Variants in TFRC observed in about 807,000 individuals in gnomAD.
The protein encoded by TFRC is transferrin receptor, also known as transferrin receptor protein 1.
TFRC carries 35 observed loss-of-function variants against 85.8 expected under a neutral mutation model. The ratio of observed to expected loss-of-function variants is 0.41; its 90% CI spans 0.31 to 0.54. TFRC has a LOEUF of 0.54. Ranked by LOEUF, TFRC falls within the 20% of genes least tolerant of loss-of-function variation. TFRC has a pLI of 0.31. For missense variants in TFRC, 828 were observed against 921.5 expected (o/e 0.90, Z 1.31); for synonymous variants, 362 against 328.6 (o/e 1.10, Z -1.10).
rs554279623 is a variant in TFRC, at chr3:196,071,517, T to C, written c.585-19A>G. The C allele has an allele frequency of 1.9e-6, 3 of 1,609,878 alleles. No homozygotes were observed. The African/African-American group carries it at 4.0e-5, about 22-fold the overall frequency. On this transcript the variant is annotated intron_variant, in intron 5 of 18. Coordinates refer to ENST00000360110, the MANE Select transcript of TFRC (RefSeq NM_001128148.3). ...TTGAGCGCTGTTAAAAAGATTAAGTTAAAATAAGCCTAAGGTCATCCTTCC... is the reference window on the plus strand; with the variant it reads ...TTGAGCGCTGTTAAAAAGATTAAGTCAAAATAAGCCTAAGGTCATCCTTCC...
intron 13 of TFRC, among the ~76,000 whole-genome samples, chr3:196,060,825 A>AAAAAAAAAAAAAT (rs1310502711): frequency 7.1e-6 from 1 of 141,152 alleles, no homozygotes; most frequent in Non-Finnish European, 1.6e-5. Context: ...AAAAAAAAAA[A>AAAAAAAAAAAAAT]ATCAGACCAG....
chr3:196,058,157 A>G, intron 16 of TFRC, 127 bp downstream of exon 16: 1 of 648,358 alleles, frequency 1.5e-6, no homozygotes, highest in South Asian at 2.7e-5. Flanking sequence ...GTTTTCCTTT[A>G]CTCCTCTGAA....
At position 196,065,430 on chromosome 3, in the gene TFRC, G is replaced by GT. The variant is rs1560078186; in HGVS notation, c.1198+12_1198+13insA. ...AAAAAAGCGGGGCGGGGGGGGGGGG[G>GT]GGCGGTCTTTACCTGGTTCTACAAA... On this transcript the variant is annotated intron_variant, in intron 10 of 18. Transcript: ENST00000360110. The GT allele has an allele frequency of 1.8e-6, 1 of 549,188 alleles. No homozygotes were observed. Among genetic ancestry groups the GT allele is most frequent in the Non-Finnish European group, 2.5e-6 (1 of 392,642 alleles). The allele number at this position is 549,188 out of a possible 1,614,324, so 34.0% of individuals were successfully genotyped here.
Position 196,051,760 on chromosome 3 carries a change from T to C in TFRC, c.*182A>G, listed in dbSNP as rs1262101576. ...TTTTTAAGTGGTTATTCACTTTAAC[T>C]TGAAGTACAGGTTATCTACCCTGTA... On this transcript the variant is annotated 3_prime_UTR_variant, in exon 19 of 19. Coordinates refer to ENST00000360110, the MANE Select transcript of TFRC (RefSeq NM_001128148.3). The C allele has an allele frequency of 3.2e-6, 2 of 619,732 alleles. No individual in the cohort carries two copies. Among genetic ancestry groups the C allele is most frequent in the East Asian group, 5.7e-5 (2 of 35,138 alleles). 38.4% of individuals were successfully genotyped at this position (619,732 alleles called of 1,614,324 possible).
Position 196,052,125 on chromosome 3 carries a change from G to T in TFRC, c.2100C>A (p.Val700=). ...VSPKESPFRH[V]FWGSGSHTLP... The stretch of plus-strand genomic sequence containing the variant: ...GCGTGTGAGAGCCGGAGCCCCAGAA[G>T]ACATGTCGGAAAGGAGACTCTTTTG... Residue 700 remains valine, a synonymous_variant, in exon 19 of 19, where the codon GTC becomes GTA. Transcript: ENST00000360110. 1 of 1,614,088 alleles carries T rather than the reference G, an allele frequency of 6.2e-7. No homozygotes were observed. Among genetic ancestry groups the T allele is most frequent in the African/African-American group, 1.3e-5 (1 of 75,014 alleles).
At position 196,065,583 on chromosome 3, in the gene TFRC, C is replaced by G; in HGVS notation, c.1058G>C (p.Cys353Ser). Residue 353 changes from cysteine (C) to serine (S), a missense_variant, in exon 10 of 19, where the codon TGT becomes TCT. Cys to Ser is a moderately radical substitution (Grantham distance 112). Coordinates refer to ENST00000360110, the MANE Select transcript of TFRC (RefSeq NM_001128148.3). ...AGAGTCTGTTTTCCAGTCAGAGGGA[C>G]AGTCTCCTTCCATATTCCTAGAATC... The part of the protein sequence containing the change: ...EKLFGNMEGD[C>S]PSDWKTDSTC... 6.2e-7 allele frequency: 1 copy of G among 1,602,192 alleles called. No individual in the cohort carries two copies. The highest frequency in any genetic ancestry group is 8.5e-7 in the Non-Finnish European group (1 of 1,177,132).
intron 14 of TFRC, among the ~76,000 whole-genome samples, chr3:196,059,854 C>T (rs948183071): frequency 1.9e-4 from 28 of 148,722 alleles, no homozygotes; most frequent in South Asian, 2.1e-4. Flanking sequence ...ATATTTCCTC[C>T]GGCCTTCTCA....
rs200128950 is a variant in TFRC at position 196,067,584 on chromosome 3, C to T, written c.974G>A (p.Arg325Gln). The T allele has an allele frequency of 3.7e-6, 6 of 1,614,076 alleles. No homozygotes were observed. Among genetic ancestry groups the T allele is most frequent in the Admixed American group, 1.7e-5 (1 of 60,008 alleles). ...AGGTATATTAGGCAATCCTGATGAC[C>T]GAGATGGTGGAAACTGAGTGTGATT... is the stretch of plus-strand genomic sequence containing the variant. ...SFNHTQFPPS[R>Q]SSGLPNIPVQ... The change falls in exon 9 of 19, where the codon CGG (arginine) becomes CAG (glutamine). Residue 325 changes from arginine to glutamine, a missense_variant. Transcript: ENST00000360110.
rs529214594 is a variant in TFRC at position 196,052,292 on chromosome 3, CTTT to C, written c.2041-111_2041-109del. ...CCCAAATTTAAGAATGCCGATCAGA[CTTT>C]TTTTTTTTTTTTTTTTTTTTGACAC... On this transcript the variant is annotated intron_variant, in intron 18 of 18. Transcript: ENST00000360110. The C allele has an allele frequency of 0.21, 109,757 of 530,704 alleles. 3,686 individuals carry two copies. Among genetic ancestry groups the C allele is most frequent in the Non-Finnish European group, 0.23 (77,251 of 340,774 alleles). The allele number at this position is 530,704 out of a possible 1,614,324, so 32.9% of individuals were successfully genotyped here.
intron 1 of TFRC, among the ~76,000 whole-genome samples, chr3:196,078,007 T>C (rs1233304740): frequency 6.6e-6 from 1 of 152,220 alleles, no homozygotes; most frequent in Non-Finnish European, 1.5e-5. Flanking sequence ...TGAAAATTGA[T>C]AATCTAAGCG....
At chr3:196,057,703 G>C (rs1173985216) in intron 16 of TFRC, among the ~76,000 whole-genome samples, 6 of 150,832 alleles carry the variant, frequency 4.0e-5, no homozygotes, top group African/African-American at 1.5e-4. Flanking sequence ...GCTGAAGGGG[G>C]AGGACTGCTT....
At chr3:196,060,797 C>CAAAAAAAAAAAAAAAAAA (rs1173946134) in intron 13 of TFRC, among the ~76,000 whole-genome samples, 1 of 36,924 alleles carries the variant, frequency 2.7e-5, no homozygotes, top group African/African-American at 1.0e-4. Flanking sequence ...GACTCCATCT[C>CAAAAAAAAAAAAAAAAAA]AAAAAAAAAA....
At chr3:196,060,825 A>AAAAAAAAAAAT (rs1310502711) in intron 13 of TFRC, among the ~76,000 whole-genome samples, 3 of 141,150 alleles carry the variant, frequency 2.1e-5, no homozygotes, top group Non-Finnish European at 4.7e-5. Flanking sequence ...AAAAAAAAAA[A>AAAAAAAAAAAT]ATCAGACCAG....
At chr3:196,052,281 T>A (rs1360449283) in intron 18 of TFRC, 97 bp from the exon 19 acceptor site, 2 of 1,020,078 alleles carry the variant, frequency 2.0e-6, no homozygotes, top group Admixed American at 5.8e-5. Context: ...AATTTAAGAA[T>A]GCCGATCAGA....
intron 16 of TFRC, among the ~76,000 whole-genome samples, chr3:196,056,384 CAAG>C (rs1192225380): frequency 2.0e-5 from 3 of 152,086 alleles, no homozygotes; most frequent in Admixed American, 6.6e-5. Flanking sequence ...CTCAATCACT[CAAG>C]AAATTCAGCC....
intron 17 of TFRC, 123 bp from the exon 18 acceptor site, chr3:196,053,681 C>G (rs542864082): frequency 1.7e-6 from 2 of 1,208,928 alleles, no homozygotes; most frequent in Non-Finnish European, 2.3e-6. Flanking sequence ...AAGCTCAAGA[C>G]TCCGAAAGCA....
At chr3:196,054,780 T>G (rs977346402) in intron 17 of TFRC, among the ~76,000 whole-genome samples, 2 of 152,250 alleles carry the variant, frequency 1.3e-5, no homozygotes, top group Non-Finnish European at 2.9e-5. Flanking sequence ...GCCCAACTCC[T>G]TGCTGAGATC....
chr3:196,051,771 G>A lies in TFRC; in HGVS notation c.*171C>T, dbSNP rs1226444884. ...TTATTCACTTTAACTTGAAGTACAG[G>A]TTATCTACCCTGTATTAAAAGCTGC... On this transcript the variant is annotated 3_prime_UTR_variant, in exon 19 of 19. Coordinates refer to ENST00000360110, the MANE Select transcript of TFRC (RefSeq NM_001128148.3). 2 of 680,944 alleles carry A rather than the reference G, an allele frequency of 2.9e-6. No individual in the cohort carries two copies. Among genetic ancestry groups the A allele is most frequent in the Non-Finnish European group, 4.8e-6 (2 of 413,872 alleles). 42.2% of individuals were successfully genotyped at this position (680,944 alleles called of 1,614,324 possible).
At chr3:196,071,142 A>G (rs1718166184) in intron 6 of TFRC, among the ~76,000 whole-genome samples, 1 of 152,224 alleles carries the variant, frequency 6.6e-6, no homozygotes, top group African/African-American at 2.4e-5. Context: ...TCTGGCTCAC[A>G]TTCTAATGGA....
Sources: allele counts gnomAD v4.1 joint callset (sites outside exome capture counted in the v4.1 genomes callset), GRCh38; gene constraint gnomAD v4.1.1; transcripts MANE v1.5; gene names NCBI Gene and HGNC (gene_info 2026-07-23, HGNC 2026-07-21).